The following PTPRD variants were observed in gnomAD, a reference collection of about 807,000 sequenced individuals.
The protein encoded by PTPRD is receptor-type tyrosine-protein phosphatase delta.
Under a neutral mutation model 214.5 loss-of-function variants are expected in PTPRD, and 34 were observed. That is an observed-to-expected ratio of 0.16 (90% confidence interval 0.12 to 0.21). PTPRD has a LOEUF of 0.21. Among genes scored for constraint, PTPRD ranks in the 10% least tolerant of loss-of-function variants. PTPRD has a pLI of 1.00. For synonymous variants in PTPRD, 1,128 were observed against 845.7 expected (o/e 1.33, Z -5.79); for missense variants, 2,545 against 2,398.7 (o/e 1.06, Z -1.27).
chr9:10,031,255 G>T (rs1030576801), intron 4 of PTPRD, among the ~76,000 whole-genome samples: 1 of 151,980 alleles, frequency 6.6e-6, no homozygotes, highest in Non-Finnish European at 1.5e-5. Flanking sequence ...ATACTTTACT[G>T]GTTAATACTG....
chr9:9,036,450 G>C (rs916041927), intron 10 of PTPRD, among the ~76,000 whole-genome samples: 3 of 152,058 alleles, frequency 2.0e-5, no homozygotes, highest in Non-Finnish European at 2.9e-5. Flanking sequence ...TAAATATAAT[G>C]TAAATCCTAG....
chr9:8,767,159 C>G (rs1300621421), intron 11 of PTPRD, among the ~76,000 whole-genome samples: 1 of 151,962 alleles, frequency 6.6e-6, no homozygotes, highest in Non-Finnish European at 1.5e-5. Flanking sequence ...CTCTTGTTGC[C>G]CAGGCTGGAA....
chr9:9,307,660 C>A (rs1268493044), intron 9 of PTPRD, among the ~76,000 whole-genome samples: 1 of 152,140 alleles, frequency 6.6e-6, no homozygotes, highest in African/African-American at 2.4e-5. Context: ...ATACTGGTGC[C>A]AAAGTGATCA....
chr9:9,694,301 C>A (rs562260725), intron 7 of PTPRD, among the ~76,000 whole-genome samples: 2 of 151,926 alleles, frequency 1.3e-5, no homozygotes, highest in African/African-American at 4.8e-5. Flanking sequence ...GTGGTTCTTG[C>A]AGACTTGTAG....
intron 2 of PTPRD, among the ~76,000 whole-genome samples, chr9:10,478,514 T>C (rs894917645): frequency 6.6e-6 from 1 of 152,162 alleles, no homozygotes; most frequent in Non-Finnish European, 1.5e-5. Flanking sequence ...TCTATAGCAC[T>C]GTGCCCTTTA....
chr9:10,033,673 T>C (rs958985962), intron 4 of PTPRD, 45 bp downstream of exon 4: 1 of 152,220 alleles, frequency 6.6e-6, no homozygotes, highest in East Asian at 1.9e-4. Context: ...AAAGACTGTA[T>C]TAAATTGAGC....
chr9:10,406,437 C>T (rs73404300), intron 2 of PTPRD, among the ~76,000 whole-genome samples: 6,466 of 151,338 alleles, frequency 0.043, 468 homozygotes, highest in African/African-American at 0.14. Context: ...TATTCATTTG[C>T]GTAAAGAAAA....
chr9:10,358,703 A>G (rs1228687144), intron 2 of PTPRD, among the ~76,000 whole-genome samples: 2 of 151,956 alleles, frequency 1.3e-5, no homozygotes, highest in African/African-American at 2.4e-5. Context: ...ATATATATAA[A>G]GTTTTTAATC....
At chr9:9,645,453 A>ATATG (rs1351752463) in intron 7 of PTPRD, among the ~76,000 whole-genome samples, 2 of 99,188 alleles carry the variant, frequency 2.0e-5, no homozygotes, top group Non-Finnish European at 4.6e-5. Context: ...TTCCCTACAT[A>ATATG]TATGTATATA....
At chr9:9,406,066 T>G (rs916761469) in intron 8 of PTPRD, among the ~76,000 whole-genome samples, 2 of 151,980 alleles carry the variant, frequency 1.3e-5, no homozygotes, top group African/African-American at 4.8e-5. Flanking sequence ...ATGTTAAAAT[T>G]TACCTTTGCA....
At chr9:9,266,940 C>A (rs1321812190) in intron 9 of PTPRD, among the ~76,000 whole-genome samples, 1 of 150,562 alleles carries the variant, frequency 6.6e-6, no homozygotes, top group Non-Finnish European at 1.5e-5. Flanking sequence ...AAGGAAATAA[C>A]AAATTTCAGA....
rs569590916 is a variant in PTPRD at position 10,381,220 on chromosome 9, G to A, written c.-599-40203C>T. On this transcript the variant is annotated intron_variant, in intron 2 of 45. Coordinates refer to ENST00000381196, the MANE Select transcript of PTPRD (RefSeq NM_002839.4). ...TTTTATTATTTTCTGACCACACATC[G>A]CCTTTACAAATTTTATCTTTTCTTT... Among the ~76,000 whole-genome samples the A allele has an allele frequency of 1.1e-3, 172 of 151,628 alleles. 3 individuals carry two copies. The highest frequency in any genetic ancestry group is 3.4e-3 in the Middle Eastern group (1 of 294).
At chr9:9,559,294 T>G (rs1156421364) in intron 8 of PTPRD, among the ~76,000 whole-genome samples, 1 of 152,208 alleles carries the variant, frequency 6.6e-6, no homozygotes, top group African/African-American at 2.4e-5. Context: ...TGCTTCCCAG[T>G]CTGGGAGTTG....
intron 12 of PTPRD, among the ~76,000 whole-genome samples, chr9:8,685,602 T>C (rs374110266): frequency 1.3e-5 from 2 of 152,178 alleles, no homozygotes; most frequent in East Asian, 1.9e-4. Context: ...GCTGATTTTT[T>C]ACCATAAATG....
chr9:8,968,769 T>G (rs1447145996), intron 11 of PTPRD, among the ~76,000 whole-genome samples: 1 of 147,546 alleles, frequency 6.8e-6, no homozygotes, highest in Non-Finnish European at 1.5e-5. Context: ...AATTATAAAT[T>G]AAACAGTAAG....
chr9:9,442,777 C>A (rs2088642458), intron 8 of PTPRD, among the ~76,000 whole-genome samples: 1 of 152,078 alleles, frequency 6.6e-6, no homozygotes, highest in South Asian at 2.1e-4. Flanking sequence ...GGAATGTCTT[C>A]TTTTGGCGGT....
intron 43 of PTPRD, among the ~76,000 whole-genome samples, chr9:8,333,941 C>G (rs1336388582): frequency 6.6e-6 from 1 of 151,918 alleles, no homozygotes; most frequent in Non-Finnish European, 1.5e-5. Flanking sequence ...CAAAGAAGGC[C>G]ATTACATAAT....
intron 5 of PTPRD, among the ~76,000 whole-genome samples, chr9:9,804,865 T>C (rs954707881): frequency 1.2e-3 from 179 of 151,746 alleles, no homozygotes; most frequent in African/African-American, 4.2e-3. Context: ...GCAATTGAAA[T>C]ATTTACTTGA....
chr9:10,604,098 G>C (rs2078658257), intron 2 of PTPRD, among the ~76,000 whole-genome samples: 1 of 151,702 alleles, frequency 6.6e-6, no homozygotes, highest in African/African-American at 2.4e-5. Flanking sequence ...CTTGGCAATA[G>C]AAACAGAAAT....
Sources: allele counts gnomAD v4.1 joint callset (sites outside exome capture counted in the v4.1 genomes callset), GRCh38; gene constraint gnomAD v4.1.1; transcripts MANE v1.5; gene names NCBI Gene and HGNC (gene_info 2026-07-23, HGNC 2026-07-21).